Variants in SAP30L observed in about 807,000 individuals in gnomAD.
SAP30L encodes the protein SAP30 like.
Under a neutral mutation model 22.3 loss-of-function variants are expected in SAP30L, and 10 were observed. The ratio of observed to expected loss-of-function variants is 0.45; its 90% confidence interval spans 0.28 to 0.76. SAP30L has a LOEUF of 0.76. Ranked by LOEUF, SAP30L falls within the 30% of genes least tolerant of loss-of-function variation. The pLI is 0.14. For synonymous variants in SAP30L, 91 were observed against 94.1 expected (o/e 0.97, Z 0.19); for missense variants, 206 against 237.9 (o/e 0.87, Z 0.88).
At chr5:154,452,273 C>T (rs922104661) in intron 2 of SAP30L, 3 of 162,864 alleles carry the variant, frequency 1.8e-5, no homozygotes, top group African/African-American at 7.3e-5. Context: ...GTCCCCTTTT[C>T]CAATGTTGGT....
At position 154,459,737 on chromosome 5, in the gene SAP30L, A is replaced by C. The variant is rs1757335294; in HGVS notation, c.*3709A>C. The C allele has an allele frequency of 6.6e-6, 1 of 152,240 alleles. No homozygotes were observed. Among genetic ancestry groups the C allele is most frequent in the Non-Finnish European group, 1.5e-5 (1 of 68,042 alleles). The allele number at this position is 152,240 out of a possible 1,614,324, so 9.4% of individuals were successfully genotyped here. A position where few individuals can be genotyped will look rare whatever the true frequency, so the allele number is the denominator to read the frequency against. On this transcript the variant is annotated 3_prime_UTR_variant, in exon 4 of 4. Coordinates refer to ENST00000297109, the MANE Select transcript of SAP30L (RefSeq NM_024632.6). ...TTGCCCCACAAAAACGGATGCTCAC[A>C]TCATCAGGAAATTGTTCAGCTGGAG...
intron 1 of SAP30L, among the ~76,000 whole-genome samples, chr5:154,448,022 C>T (rs1429398795): frequency 3.3e-5 from 4 of 121,248 alleles, no homozygotes; most frequent in African/African-American, 1.3e-4. Context: ...GTCACCCAGG[C>T]TGGAGTGCAG....
intron 1 of SAP30L, among the ~76,000 whole-genome samples, chr5:154,449,847 A>G (rs1460515385): frequency 1.3e-5 from 2 of 152,226 alleles, no homozygotes; most frequent in African/African-American, 4.8e-5. Flanking sequence ...ATATTGGTAC[A>G]TCAACATTTT....
Position 154,457,082 on chromosome 5 carries a change from C to T in SAP30L, c.*1054C>T, listed in dbSNP as rs1417834304. On this transcript the variant is annotated 3_prime_UTR_variant, in exon 4 of 4. Transcript: ENST00000297109. ...GTCATCAGCAAATCATGAGTTTGGG[C>T]AACAAAGGTCAATTCCATCTGATGC... 3.9e-5 allele frequency: 6 copies of T among 152,202 alleles called. No individual in the cohort carries two copies. The highest frequency in any genetic ancestry group is 7.3e-5 in the Non-Finnish European group (5 of 68,028). The allele number at this position is 152,202 out of a possible 1,614,324, so 9.4% of individuals were successfully genotyped here.
chr5:154,452,255 C>T (rs1561701731), intron 2 of SAP30L: 1 of 155,608 alleles, frequency 6.4e-6, no homozygotes, highest in Non-Finnish European at 1.4e-5. Flanking sequence ...CCCTCTGCCC[C>T]TCCCTGTGTC....
chr5:154,451,026 G>C, intron 1 of SAP30L, 65 bp from the exon 2 acceptor site: 2 of 1,581,070 alleles, frequency 1.3e-6, no homozygotes, highest in Non-Finnish European at 1.7e-6. Context: ...CCCGCAATTC[G>C]ACAGATACCT....
At chr5:154,446,901 G>GGGGCGGCGAGGCCCACGGC in intron 1 of SAP30L, 96 bp downstream of exon 1, 1 of 1,059,852 alleles carries the variant, frequency 9.4e-7, no homozygotes, top group Non-Finnish European at 1.4e-6. Flanking sequence ...ACTCCCCGCC[G>GGGGCGGCGAGGCCCACGGC]TGGGCCTCGC....
At chr5:154,451,795 C>T (rs1262944202) in intron 2 of SAP30L, among the ~76,000 whole-genome samples, 1 of 152,196 alleles carries the variant, frequency 6.6e-6, no homozygotes, top group African/African-American at 2.4e-5. Context: ...GGACTGTCCT[C>T]TGCATTGTAG....
Position 154,446,507 on chromosome 5 carries a change from C to T in SAP30L, c.-98C>T, listed in dbSNP as rs1757009320. ...GGCTGGAGACGGACTCTGGGACCCT[C>T]GGCTGCGGGGGTCTCAGCGACCTGC... On this transcript the variant is annotated 5_prime_UTR_variant, in exon 1 of 4. Coordinates refer to ENST00000297109, the MANE Select transcript of SAP30L (RefSeq NM_024632.6). The T allele has an allele frequency of 1.3e-5, 14 of 1,039,716 alleles. No homozygotes were observed. Among genetic ancestry groups the T allele is most frequent in the Admixed American group, 4.2e-5 (1 of 24,016 alleles). 64.4% of individuals were successfully genotyped at this position (1,039,716 alleles called of 1,614,324 possible).
chr5:154,451,652 A>AT (rs1480601967), intron 2 of SAP30L, among the ~76,000 whole-genome samples: 1 of 152,034 alleles, frequency 6.6e-6, no homozygotes, highest in Non-Finnish European at 1.5e-5. Context: ...ACCAGCTCTG[A>AT]TTTTCTCTCA....
intron 3 of SAP30L, among the ~76,000 whole-genome samples, 196 bp from the exon 4 acceptor site, chr5:154,455,704 G>A (rs1393965100): frequency 6.6e-6 from 1 of 152,148 alleles, no homozygotes; most frequent in East Asian, 1.9e-4. Flanking sequence ...TTTGGATCCT[G>A]GAAATTAAAC....
chr5:154,448,378 G>A lies in SAP30L; in HGVS notation c.201+1573G>A, dbSNP rs1185314479. Among the ~76,000 whole-genome samples the A allele has an allele frequency of 2.0e-5, 3 of 152,180 alleles. No individual in the cohort carries two copies. In the South Asian group the frequency reaches 6.2e-4, roughly 32 times the overall value. On this transcript the variant is annotated intron_variant, in intron 1 of 3. Coordinates refer to ENST00000297109, the MANE Select transcript of SAP30L (RefSeq NM_024632.6). ...GGACAGGTGCTATTTTTAAGTGGTTGGGAGAGAGTTAATGGCTTTCTTACT... is the reference window on the plus strand; with the variant it reads ...GGACAGGTGCTATTTTTAAGTGGTTAGGAGAGAGTTAATGGCTTTCTTACT...
Position 154,451,840 on chromosome 5 carries a change from G to A in SAP30L, c.324+627G>A, listed in dbSNP as rs528205120. On this transcript the variant is annotated intron_variant, in intron 2 of 3. Coordinates refer to ENST00000297109, the MANE Select transcript of SAP30L (RefSeq NM_024632.6). Reference sequence around the variant, plus strand: ...CAGCATGCCTCAGCAGCATCCCCTCGTGAGATTCTACCCATCACCACCCTG... The same window carrying A: ...CAGCATGCCTCAGCAGCATCCCCTCATGAGATTCTACCCATCACCACCCTG... Among the ~76,000 whole-genome samples the A allele has an allele frequency of 1.6e-4, 24 of 152,210 alleles. No individual in the cohort carries two copies. The South Asian group carries it at 4.6e-3, about 29-fold the overall frequency.
intron 1 of SAP30L, among the ~76,000 whole-genome samples, chr5:154,450,098 G>C (rs6580082): frequency 0.63 from 95,479 of 152,152 alleles, 30,389 homozygotes; most frequent in Admixed American, 0.73. Flanking sequence ...TTGTGCAACA[G>C]CTGTTTCAGT....
Position 154,446,801 on chromosome 5 carries a change from A to G in SAP30L, c.197A>G (p.Lys66Arg). ...AAGAAACTCAAGCTGGACATCGACA[A>G]GAGCGTGAGTCCGCCCCCGCTCGCG... ...SQKKLKLDID[K>R]SVRHLYICDF... Residue 66 changes from lysine to arginine, a missense_variant, in exon 1 of 4, where the codon AAG becomes AGG. Lys to Arg is a conservative substitution (Grantham distance 26, BLOSUM62 2). This residue lies in a region of SAP30L where 136 missense variants were observed against 187.4 expected (regional missense o/e 0.73). Transcript: ENST00000297109. 1.2e-6 allele frequency: 2 copies of G among 1,602,594 alleles called. No homozygotes were observed. The highest frequency in any genetic ancestry group is 1.7e-6 in the Non-Finnish European group (2 of 1,175,990).
In SAP30L at chr5:154,451,194, A is replaced by C. The variant is rs752068980; in HGVS notation, c.305A>C (p.His102Pro). 6 of 1,614,092 alleles carry C rather than the reference A, an allele frequency of 3.7e-6. No homozygotes were observed. Among genetic ancestry groups the C allele is most frequent in the Non-Finnish European group, 5.1e-6 (6 of 1,180,008 alleles). ...GACGATGGCGGAGATTCTCCCGAGC[A>C]CGACACTGACATTCCTGAGGTAAAG... ...TSDDGGDSPE[H>P]DTDIPEVDLF... The change falls in exon 2 of 4, where the codon CAC (histidine) becomes CCC (proline). Residue 102 changes from histidine (H) to proline (P), a missense_variant. This residue lies in a region of SAP30L where 136 missense variants were observed against 187.4 expected (regional missense o/e 0.73). Coordinates refer to ENST00000297109, the MANE Select transcript of SAP30L (RefSeq NM_024632.6).
Position 154,459,850 on chromosome 5 carries a change from C to G in SAP30L, c.*3822C>G, listed in dbSNP as rs958244794. On this transcript the variant is annotated 3_prime_UTR_variant, in exon 4 of 4. Transcript: ENST00000297109. The stretch of plus-strand genomic sequence containing the variant: ...CTTAGATTCCTGTAAGGACTTTGCA[C>G]TGTTTTTGCTGAGAAAACAACGCTT... 2.6e-5 allele frequency: 4 copies of G among 152,194 alleles called. No homozygotes were observed. Among genetic ancestry groups the G allele is most frequent in the Non-Finnish European group, 4.4e-5 (3 of 68,042 alleles). 9.4% of individuals were successfully genotyped at this position (152,194 alleles called of 1,614,324 possible).
In SAP30L at chr5:154,456,204, G is replaced by A; in HGVS notation, c.*176G>A. The A allele has an allele frequency of 1.9e-6, 1 of 523,682 alleles. No homozygotes were observed. The allele number at this position is 523,682 out of a possible 1,614,324, so 32.4% of individuals were successfully genotyped here. A position where few individuals can be genotyped will look rare whatever the true frequency, so the allele number is the denominator to read the frequency against. On this transcript the variant is annotated 3_prime_UTR_variant, in exon 4 of 4. Coordinates refer to ENST00000297109, the MANE Select transcript of SAP30L (RefSeq NM_024632.6). ...ATTCTCATGATTCAGCATGTGTATAGAAAGACTTTCTTTTACGATAACTCT... is the reference window on the plus strand; with the variant it reads ...ATTCTCATGATTCAGCATGTGTATAAAAAGACTTTCTTTTACGATAACTCT...
In SAP30L at chr5:154,453,375, A is replaced by G. The variant is rs770517845; in HGVS notation, c.325-27A>G. ...TGAGTCCTGGGTGGTCAGGTGATGG[A>G]TAACATTTTTCTCCTCTTCTCCCTA... On this transcript the variant is annotated intron_variant, in intron 2 of 3. Transcript: ENST00000297109. The G allele has an allele frequency of 1.9e-5, 29 of 1,565,118 alleles. No individual in the cohort carries two copies. The African/African-American group carries it at 3.1e-4, about 17-fold the overall frequency.
Sources: gnomAD v4.1 joint callset for allele counts (sites outside exome capture counted in the v4.1 genomes callset) on GRCh38, gnomAD v4.1.1 for gene constraint, gnomAD v4.1.1 regional missense constraint, MANE v1.5 for transcripts, NCBI Gene and HGNC (gene_info 2026-07-23, HGNC 2026-07-21) for gene names.